ZMYM4: variants seen among roughly 807,000 people sequenced by gnomAD.
The protein encoded by ZMYM4 is zinc finger MYM-type containing 4.
A neutral mutation model predicts 183.2 loss-of-function variants in ZMYM4; 31 were observed. The ratio of observed to expected loss-of-function variants is 0.17; its 90% CI spans 0.13 to 0.23. ZMYM4 has a LOEUF of 0.23. Ranked by LOEUF, ZMYM4 falls within the 10% of genes least tolerant of loss-of-function variation. The probability of loss-of-function intolerance (pLI) is 1.00; values close to 1 mark genes in which losing one functional copy is unlikely to be tolerated. For missense variants in ZMYM4, 1,273 were observed against 1,840.3 expected, an observed-to-expected ratio of 0.69 and a Z score of 5.64; for synonymous variants, 592 against 631.2, an observed-to-expected ratio of 0.94 and a Z score of 0.93.
chr1:35,417,622 G>C (rs1177980414), intron 28 of ZMYM4, among the ~76,000 whole-genome samples: 1 of 152,062 alleles, frequency 6.6e-6, no homozygotes, highest in Non-Finnish European at 1.5e-5. Context: ...AGGATCACTT[G>C]AACCCAGGAG....
chr1:35,387,398 A>C (rs768014352), intron 12 of ZMYM4, 56 bp from the exon 13 acceptor site: 263 of 1,569,216 alleles, frequency 1.7e-4, no homozygotes, highest in Non-Finnish European at 2.2e-4. Flanking sequence ...GGAGATAAGG[A>C]GTTCCATAAG....
At chr1:35,349,237 T>C (rs1643506919) in intron 2 of ZMYM4, among the ~76,000 whole-genome samples, 1 of 152,066 alleles carries the variant, frequency 6.6e-6, no homozygotes, top group Admixed American at 6.6e-5. Context: ...ATCTGCCTGC[T>C]TCAGCCTCCC....
chr1:35,290,814 A>G (rs927875397), intron 1 of ZMYM4, among the ~76,000 whole-genome samples: 3 of 152,202 alleles, frequency 2.0e-5, no homozygotes, highest in Non-Finnish European at 4.4e-5. Context: ...TGCAATTTAA[A>G]TTGATGAGTT....
chr1:35,381,459 G>T, intron 8 of ZMYM4, 26 bp downstream of exon 8: 1 of 1,604,962 alleles, frequency 6.2e-7, no homozygotes, highest in Non-Finnish European at 8.5e-7. Context: ...CCTTTATTGG[G>T]GCAGGAGTCT....
At chr1:35,384,305 T>C (rs1380364197) in intron 9 of ZMYM4, among the ~76,000 whole-genome samples, 1 of 152,206 alleles carries the variant, frequency 6.6e-6, no homozygotes, top group African/African-American at 2.4e-5. Context: ...GAAATGGGGT[T>C]AGAGATTTAG....
chr1:35,403,277 G>A (rs1013986684), intron 23 of ZMYM4, among the ~76,000 whole-genome samples: 1 of 151,740 alleles, frequency 6.6e-6, no homozygotes, highest in Non-Finnish European at 1.5e-5. Flanking sequence ...AATATTCTGC[G>A]AAGGTTTTTT....
chr1:35,393,701 C>T lies in ZMYM4; in HGVS notation c.2873C>T (p.Ser958Phe), dbSNP rs1644751323. ...CKPITQTKAT[S>F]CKPHTQNKEC... is the part of the protein sequence containing the mutation. Reference sequence around the variant, plus strand: ...CCCATCACACAGACTAAAGCCACCTCTTGCAAACCACATACCCAAAACAAA... The same window carrying T: ...CCCATCACACAGACTAAAGCCACCTTTTGCAAACCACATACCCAAAACAAA... Residue 958 changes from serine to phenylalanine, a missense_variant, in exon 18 of 30, where the codon TCT becomes TTT. Ser to Phe is a radical substitution (Grantham distance 155, BLOSUM62 -2). Transcript: ENST00000314607. 2 of 1,611,324 alleles carry T rather than the reference C, an allele frequency of 1.2e-6. No homozygotes were observed. Among genetic ancestry groups the T allele is most frequent in the Non-Finnish European group, 1.7e-6 (2 of 1,178,312 alleles).
intron 26 of ZMYM4, among the ~76,000 whole-genome samples, chr1:35,409,050 T>C (rs1409229707): frequency 6.6e-6 from 1 of 152,254 alleles, no homozygotes; most frequent in Non-Finnish European, 1.5e-5. Context: ...CTTTTGTGTC[T>C]GGTTTCTTTC....
At chr1:35,383,212 T>C (rs754150262) in intron 9 of ZMYM4, among the ~76,000 whole-genome samples, 9 of 152,222 alleles carry the variant, frequency 5.9e-5, no homozygotes, top group African/African-American at 1.2e-4. Context: ...TTGATAAACC[T>C]AAAGGAATAG....
At chr1:35,330,158 T>C (rs1048816238) in intron 2 of ZMYM4, among the ~76,000 whole-genome samples, 2 of 150,316 alleles carry the variant, frequency 1.3e-5, no homozygotes, top group African/African-American at 2.5e-5. Context: ...GAGGTTACGG[T>C]GAGCTGATGG....
At chr1:35,355,237 CAG>C (rs1643780354) in intron 2 of ZMYM4, among the ~76,000 whole-genome samples, 1 of 116,958 alleles carries the variant, frequency 8.6e-6, no homozygotes, top group Non-Finnish European at 1.7e-5. Flanking sequence ...TAAGTAGAGA[CAG>C]GGTTTCACTG....
intron 28 of ZMYM4, among the ~76,000 whole-genome samples, chr1:35,417,568 T>C (rs1310776309): frequency 6.6e-6 from 1 of 152,172 alleles, no homozygotes; most frequent in Non-Finnish European, 1.5e-5. Flanking sequence ...CTGAGTTCAG[T>C]GGCTTGTACC....
chr1:35,394,452 G>T (rs781641422), intron 18 of ZMYM4, among the ~76,000 whole-genome samples: 35 of 152,044 alleles, frequency 2.3e-4, no homozygotes, highest in Admixed American at 8.5e-4. Flanking sequence ...AGCCTCTTCA[G>T]CTTTCAGTTG....
intron 1 of ZMYM4, among the ~76,000 whole-genome samples, chr1:35,314,314 T>C (rs1247586687): frequency 6.6e-6 from 1 of 152,086 alleles, no homozygotes; most frequent in Non-Finnish European, 1.5e-5. Flanking sequence ...AGACGGAGTC[T>C]TGCTCTGTCT....
intron 2 of ZMYM4, among the ~76,000 whole-genome samples, chr1:35,326,087 C>G (rs1642491740): frequency 6.6e-6 from 1 of 152,000 alleles, no homozygotes; most frequent in African/African-American, 2.4e-5. Flanking sequence ...ATAATAAGTC[C>G]TCACTAAATG....
At chr1:35,414,154 TA>T (rs1050983784) in intron 27 of ZMYM4, 71 bp downstream of exon 27, 9 of 948,760 alleles carry the variant, frequency 9.5e-6, no homozygotes, top group East Asian at 2.5e-5. Flanking sequence ...TGGTTATCTT[TA>T]AAAAAATTGT....
In ZMYM4 at chr1:35,284,753, T is replaced by C. The variant is rs142222966; in HGVS notation, c.39+15668T>C. 4.6e-5 allele frequency among the ~76,000 whole-genome samples: 7 copies of C among 152,354 alleles called. No individual in the cohort carries two copies. In the East Asian group the frequency reaches 1.3e-3, roughly 29 times the overall value. On this transcript the variant is annotated intron_variant, in intron 1 of 29. Transcript: ENST00000314607. ...TTTCTCTTGGCTTGTAGGTAGCCAC[T>C]ACCTTGCTCTGTGCTCATGTGATTT...
Position 35,314,664 on chromosome 1 carries a change from A to ATTTTTTTTTTTTT in ZMYM4, c.40-10691_40-10679dup, listed in dbSNP as rs769116908. ...GACATTATTTAACTATTCAAAAATG[A>ATTTTTTTTTTTTT]TTTTTTTTTTTTTTTTTGCTGGGGT... On this transcript the variant is annotated intron_variant, in intron 1 of 29. Coordinates refer to ENST00000314607, the MANE Select transcript of ZMYM4 (RefSeq NM_005095.3). 4.9e-4 allele frequency among the ~76,000 whole-genome samples: 44 copies of ATTTTTTTTTTTTT among 88,942 alleles called. 3 individuals carry two copies. The highest frequency in any genetic ancestry group is 1.6e-3 in the African/African-American group (35 of 21,284). The allele number at this position is 88,942 out of a possible 152,430, so 58.3% of individuals were successfully genotyped here.
At chr1:35,364,580 C>T (rs765101258) in intron 5 of ZMYM4, among the ~76,000 whole-genome samples, 1 of 152,218 alleles carries the variant, frequency 6.6e-6, no homozygotes, top group Admixed American at 6.5e-5. Context: ...AAAGAGAACT[C>T]TAGTGTATTA....
Sources: allele counts gnomAD v4.1 joint callset (sites outside exome capture counted in the v4.1 genomes callset), GRCh38; gene constraint gnomAD v4.1.1; transcripts MANE v1.5; gene names NCBI Gene and HGNC (gene_info 2026-07-23, HGNC 2026-07-21).